NRG1: variants seen among roughly 807,000 people sequenced by gnomAD.
The protein encoded by NRG1 is pro-neuregulin-1, membrane-bound isoform.
A neutral mutation model predicts 63.8 loss-of-function variants in NRG1; 18 were observed. The observed-to-expected ratio is 0.28, with a 90% CI of 0.19 to 0.42. NRG1 has a LOEUF of 0.42. Ranked by LOEUF, NRG1 falls within the 10% of genes least tolerant of loss-of-function variation. The pLI is 1.00. For missense variants in NRG1, 762 were observed against 814.7 expected, an observed-to-expected ratio of 0.94 and a Z score of 0.79; for synonymous variants, 302 against 301.3, an observed-to-expected ratio of 1.00 and a Z score of -0.02.
At chr8:32,245,237 C>G (rs948250098) in intron 1 of NRG1, among the ~76,000 whole-genome samples, 1 of 152,118 alleles carries the variant, frequency 6.6e-6, no homozygotes, top group Non-Finnish European at 1.5e-5. Context: ...GCTAGACAAC[C>G]TAGAGTTCCA....
At chr8:32,693,367 T>C (rs1019409885) in intron 5 of NRG1, among the ~76,000 whole-genome samples, 1 of 151,964 alleles carries the variant, frequency 6.6e-6, no homozygotes, top group Non-Finnish European at 1.5e-5. Flanking sequence ...TACAGGTGCC[T>C]GCCACCACAC....
chr8:32,647,239 C>T (rs1037693538), intron 5 of NRG1: 19 of 983,402 alleles, frequency 1.9e-5, no homozygotes, highest in South Asian at 4.7e-5. Flanking sequence ...CTCCTGCCGC[C>T]GCTGCTGCTG....
intron 1 of NRG1, among the ~76,000 whole-genome samples, chr8:32,331,266 G>C (rs1229216452): frequency 6.6e-6 from 1 of 151,384 alleles, no homozygotes; most frequent in Non-Finnish European, 1.5e-5. Flanking sequence ...AAGGCTGAGG[G>C]GGATGTAATC....
chr8:32,526,033 A>T (rs1303995713), intron 1 of NRG1, among the ~76,000 whole-genome samples: 1 of 152,206 alleles, frequency 6.6e-6, no homozygotes, highest in Admixed American at 6.5e-5. Context: ...CTATTGCTAT[A>T]TAACAAATTA....
chr8:32,196,042 T>G (rs1023754998), intron 1 of NRG1, among the ~76,000 whole-genome samples: 4 of 152,082 alleles, frequency 2.6e-5, no homozygotes, highest in Non-Finnish European at 4.4e-5. Context: ...ATAGTATTAG[T>G]TATTTAGTAA....
chr8:31,880,745 C>T (rs922236634), intron 1 of NRG1, among the ~76,000 whole-genome samples: 1 of 152,174 alleles, frequency 6.6e-6, no homozygotes, highest in Non-Finnish European at 1.5e-5. Flanking sequence ...TATGAGATCT[C>T]ACAATTATTC....
rs149189703 is a variant in NRG1, at chr8:32,701,886, T to C, written c.503-26063T>C. Reference sequence around the variant, plus strand: ...AAACTTTCCTAAGTACATTTGAAAGTCCATAAACTGACAATGGATACCAAG... The same window carrying C: ...AAACTTTCCTAAGTACATTTGAAAGCCCATAAACTGACAATGGATACCAAG... On this transcript the variant is annotated intron_variant, in intron 5 of 11. Transcript: ENST00000356819. 1.6e-3 allele frequency among the ~76,000 whole-genome samples: 248 copies of C among 152,286 alleles called. 1 individual carries two copies. The highest frequency in any genetic ancestry group is 5.7e-3 in the African/African-American group (239 of 41,578).
At chr8:31,772,935 A>C (rs7840003) in intron 1 of NRG1, among the ~76,000 whole-genome samples, 2,318 of 152,290 alleles carry the variant, frequency 0.015, 63 homozygotes, top group African/African-American at 0.053. Flanking sequence ...CTATGCACAA[A>C]GGTAGTACCA....
chr8:32,192,852 A>G (rs1363963016), intron 1 of NRG1, among the ~76,000 whole-genome samples: 1 of 152,166 alleles, frequency 6.6e-6, no homozygotes, highest in East Asian at 1.9e-4. Context: ...ACATAAACTC[A>G]CACACAAACA....
intron 1 of NRG1, among the ~76,000 whole-genome samples, chr8:31,730,264 A>G (rs190717162): frequency 6.6e-6 from 1 of 152,256 alleles, no homozygotes; most frequent in East Asian, 1.9e-4. Context: ...TGCTCTCTGT[A>G]CTTCCTGACA....
At chr8:32,708,577 AC>A (rs1410664331) in intron 5 of NRG1, among the ~76,000 whole-genome samples, 1 of 152,146 alleles carries the variant, frequency 6.6e-6, no homozygotes, top group Non-Finnish European at 1.5e-5. Flanking sequence ...GCTATTTTCC[AC>A]CTGTAGGGTC....
At chr8:32,511,142 C>T (rs1250633772) in intron 1 of NRG1, among the ~76,000 whole-genome samples, 1 of 150,644 alleles carries the variant, frequency 6.6e-6, no homozygotes, top group Non-Finnish European at 1.5e-5. Context: ...ATCTATTTTA[C>T]CTCCTGGACC....
chr8:31,686,173 A>G (rs1029225662), intron 1 of NRG1, among the ~76,000 whole-genome samples: 5 of 152,196 alleles, frequency 3.3e-5, no homozygotes, highest in Admixed American at 2.0e-4. Flanking sequence ...TTGTTTGTCA[A>G]GGATTTTACA....
chr8:31,807,217 C>T (rs1485817115), intron 1 of NRG1, among the ~76,000 whole-genome samples: 2 of 152,182 alleles, frequency 1.3e-5, no homozygotes, highest in African/African-American at 4.8e-5. Context: ...TATCTGTGCC[C>T]CTCTCTTGGC....
At chr8:31,899,090 T>C (rs1038085803) in intron 1 of NRG1, among the ~76,000 whole-genome samples, 18 of 145,106 alleles carry the variant, frequency 1.2e-4, no homozygotes, top group African/African-American at 4.0e-4. Flanking sequence ...TAAAATATAT[T>C]AAAAAATTTT....
chr8:31,765,268 A>C (rs1817949908), intron 1 of NRG1, among the ~76,000 whole-genome samples: 1 of 152,106 alleles, frequency 6.6e-6, no homozygotes, highest in African/African-American at 2.4e-5. Flanking sequence ...AAAACCTGTC[A>C]TCTGGAAGTA....
At chr8:32,319,052 A>C (rs1034349398) in intron 1 of NRG1, among the ~76,000 whole-genome samples, 1 of 152,156 alleles carries the variant, frequency 6.6e-6, no homozygotes, top group Non-Finnish European at 1.5e-5. Flanking sequence ...GTGAAGGTGA[A>C]AAGTTCAGTG....
chr8:32,469,011 C>T (rs768132900), intron 1 of NRG1, among the ~76,000 whole-genome samples: 31 of 152,132 alleles, frequency 2.0e-4, no homozygotes, highest in Non-Finnish European at 4.0e-4. Flanking sequence ...GCAGTCAAAA[C>T]CAATAGGAAT....
At chr8:32,038,147 G>A (rs1368388806) in intron 1 of NRG1, among the ~76,000 whole-genome samples, 2 of 152,214 alleles carry the variant, frequency 1.3e-5, no homozygotes, top group African/African-American at 4.8e-5. Flanking sequence ...TCACAAGGGC[G>A]TGGGTTGCAG....
Sources: allele counts gnomAD v4.1 joint callset (sites outside exome capture counted in the v4.1 genomes callset), GRCh38; gene constraint gnomAD v4.1.1; transcripts MANE v1.5; gene names NCBI Gene and HGNC (gene_info 2026-07-23, HGNC 2026-07-21).